PALM2AKAP2: variants seen among roughly 807,000 people sequenced by gnomAD.
The protein encoded by PALM2AKAP2 is PALM2 and AKAP2 fusion, also known as PALM2-AKAP2 fusion protein.
Under a neutral mutation model 71.5 loss-of-function variants are expected in PALM2AKAP2, and 37 were observed. The ratio of observed to expected loss-of-function variants is 0.52; its 90% CI spans 0.40 to 0.68. The LOEUF (loss-of-function observed/expected upper bound fraction) is 0.68, where lower values mean the gene tolerates loss of function less well. Ranked by LOEUF, PALM2AKAP2 falls within the 30% of genes least tolerant of loss-of-function variation. PALM2AKAP2 has a pLI of 0.00. For synonymous variants in PALM2AKAP2, 468 were observed against 478.8 expected, an observed-to-expected ratio of 0.98 and a Z score of 0.29; for missense variants, 1,224 against 1,191.8, an observed-to-expected ratio of 1.03 and a Z score of -0.40.
chr9:109,755,266 T>C (rs1362887251), intron 1 of PALM2AKAP2, among the ~76,000 whole-genome samples: 1 of 152,134 alleles, frequency 6.6e-6, no homozygotes, highest in Non-Finnish European at 1.5e-5. Flanking sequence ...TTCCTTATCC[T>C]GACCAACAAG....
chr9:109,958,682 G>A (rs1421755989), intron 6 of PALM2AKAP2, among the ~76,000 whole-genome samples: 1 of 151,682 alleles, frequency 6.6e-6, no homozygotes. Flanking sequence ...GATGAAAGAA[G>A]GGAAGGAGAG....
At chr9:109,700,452 C>T (rs532088473) in intron 1 of PALM2AKAP2, among the ~76,000 whole-genome samples, 1 of 152,314 alleles carries the variant, frequency 6.6e-6, no homozygotes, top group Admixed American at 6.5e-5. Context: ...AAACATCTTT[C>T]CTTTATAAAT....
intron 1 of PALM2AKAP2, among the ~76,000 whole-genome samples, chr9:110,068,083 A>G (rs1834122217): frequency 1.6e-5 from 2 of 121,990 alleles, no homozygotes; most frequent in African/African-American, 3.7e-5. Flanking sequence ...TTATGTTCCA[A>G]ACTCTTTTTT....
intron 1 of PALM2AKAP2, among the ~76,000 whole-genome samples, chr9:109,697,161 T>C (rs1418764274): frequency 6.6e-6 from 1 of 152,110 alleles, no homozygotes; most frequent in Non-Finnish European, 1.5e-5. Context: ...CAGTATTCCA[T>C]ATAATGGAGT....
chr9:109,925,922 T>C (rs1318681444), intron 5 of PALM2AKAP2, among the ~76,000 whole-genome samples: 1 of 152,158 alleles, frequency 6.6e-6, no homozygotes, highest in Non-Finnish European at 1.5e-5. Context: ...AGTCACATTC[T>C]AGGGCTGGGT....
chr9:109,642,407 T>A (rs1287999427), intron 1 of PALM2AKAP2, among the ~76,000 whole-genome samples: 1 of 151,210 alleles, frequency 6.6e-6, no homozygotes, highest in African/African-American at 2.4e-5. Context: ...ATAAATATCA[T>A]CTATTATCTA....
chr9:109,677,948 G>C (rs1827671963), intron 1 of PALM2AKAP2, among the ~76,000 whole-genome samples: 1 of 152,198 alleles, frequency 6.6e-6, no homozygotes, highest in Non-Finnish European at 1.5e-5. Context: ...GGCAAAATTA[G>C]TACCCGATAA....
At position 110,024,754 on chromosome 9, in the gene PALM2AKAP2, A is replaced by T; in HGVS notation, c.582+8715A>T. ...AGCTGTGATTGTGTCACTGCACTCT[A>T]TCCTGGGTGATGACAGAGTATGACC... is the stretch of plus-strand genomic sequence containing the variant. On this transcript the variant is annotated intron_variant, in intron 7 of 9. Transcript: ENST00000302798. 5 of 611,748 alleles carry T rather than the reference A, an allele frequency of 8.2e-6. No individual in the cohort carries two copies. The South Asian group carries it at 1.0e-4, about 12-fold the overall frequency. 37.9% of individuals were successfully genotyped at this position (611,748 alleles called of 1,614,324 possible). A position where few individuals can be genotyped will look rare whatever the true frequency, so the allele number is the denominator to read the frequency against.
chr9:110,106,923 T>C (rs1228959927), intron 1 of PALM2AKAP2, among the ~76,000 whole-genome samples: 2 of 152,172 alleles, frequency 1.3e-5, no homozygotes, highest in Non-Finnish European at 2.9e-5. Flanking sequence ...CTGTTTTTGC[T>C]CTGTTCCCAA....
At chr9:109,977,569 T>C (rs1832193083) in intron 6 of PALM2AKAP2, among the ~76,000 whole-genome samples, 1 of 152,156 alleles carries the variant, frequency 6.6e-6, no homozygotes, top group East Asian at 1.9e-4. Flanking sequence ...GGGGCCAAAT[T>C]ACACCAAAAA....
At chr9:109,972,747 G>A (rs577775054) in intron 6 of PALM2AKAP2, among the ~76,000 whole-genome samples, 13 of 152,272 alleles carry the variant, frequency 8.5e-5, no homozygotes, top group African/African-American at 2.2e-4. Context: ...GCAGTGTTAC[G>A]AGGAGACAAA....
At chr9:109,964,706 G>T (rs1281166853) in intron 6 of PALM2AKAP2, among the ~76,000 whole-genome samples, 1 of 152,162 alleles carries the variant, frequency 6.6e-6, no homozygotes, top group Non-Finnish European at 1.5e-5. Flanking sequence ...TGAGCTCAAG[G>T]CTTTGGACTT....
At chr9:109,962,992 G>A (rs914080762) in intron 6 of PALM2AKAP2, among the ~76,000 whole-genome samples, 1 of 152,188 alleles carries the variant, frequency 6.6e-6, no homozygotes, top group African/African-American at 2.4e-5. Context: ...TTATATGTGA[G>A]GTTCAGAGCA....
intron 1 of PALM2AKAP2, among the ~76,000 whole-genome samples, chr9:109,674,366 A>AT (rs941411844): frequency 4.6e-4 from 70 of 152,006 alleles, no homozygotes; most frequent in African/African-American, 1.7e-3. Flanking sequence ...TACAGGTCAC[A>AT]TTTTCCTTCT....
chr9:109,751,709 G>A (rs1291106286), intron 1 of PALM2AKAP2, among the ~76,000 whole-genome samples: 1 of 152,168 alleles, frequency 6.6e-6, no homozygotes, highest in African/African-American at 2.4e-5. Flanking sequence ...AGAGCAAGAT[G>A]AAGCTAGGAT....
At chr9:110,105,852 T>C (rs1002625277) in intron 1 of PALM2AKAP2, among the ~76,000 whole-genome samples, 4 of 152,264 alleles carry the variant, frequency 2.6e-5, no homozygotes, top group Admixed American at 6.5e-5. Flanking sequence ...TTTAAGTCTA[T>C]GTGATTTTCA....
chr9:109,868,640 G>A lies in PALM2AKAP2; in HGVS notation c.126+1069G>A, dbSNP rs1053617662. On this transcript the variant is annotated intron_variant, in intron 2 of 9. Coordinates refer to the PALM2AKAP2 transcript ENST00000302798. ...CCCAAAATGAGAACCATCAGCAAGCGAGTTACTGATTGAAAATAGCAGCAT... is the reference window on the plus strand; with the variant it reads ...CCCAAAATGAGAACCATCAGCAAGCAAGTTACTGATTGAAAATAGCAGCAT... Among the ~76,000 whole-genome samples the A allele has an allele frequency of 5.3e-5, 8 of 152,192 alleles. No homozygotes were observed. In the East Asian group the frequency reaches 7.7e-4, roughly 15 times the overall value.
At chr9:110,151,195 T>A (rs866113147) in intron 2 of PALM2AKAP2, among the ~76,000 whole-genome samples, 1 of 152,212 alleles carries the variant, frequency 6.6e-6, no homozygotes, top group Admixed American at 6.5e-5. Context: ...TTACTTACTT[T>A]AAAATTTTTT....
chr9:110,150,526 C>T (rs989450724), intron 2 of PALM2AKAP2, among the ~76,000 whole-genome samples: 1 of 152,188 alleles, frequency 6.6e-6, no homozygotes, highest in Non-Finnish European at 1.5e-5. Flanking sequence ...CCTACAATTA[C>T]ATCAGACCCA....
Sources: gnomAD v4.1 joint callset for allele counts (sites outside exome capture counted in the v4.1 genomes callset) on GRCh38, gnomAD v4.1.1 for gene constraint, MANE v1.5 for transcripts, NCBI Gene and HGNC (gene_info 2026-07-23, HGNC 2026-07-21) for gene names.